Variants in CDK6 observed in about 807,000 individuals in gnomAD.
CDK6 encodes the protein cyclin-dependent kinase 6.
A neutral mutation model predicts 37.1 loss-of-function variants in CDK6; 6 were observed. The ratio of observed to expected loss-of-function variants is 0.16; its 90% CI spans 0.09 to 0.32. The LOEUF (loss-of-function observed/expected upper bound fraction) is 0.32. Ranked by LOEUF, CDK6 falls within the 10% of genes least tolerant of loss-of-function variation. The pLI, the probability that CDK6 is intolerant of heterozygous loss-of-function variation, is 1.00. For synonymous variants in CDK6, 160 were observed against 161.3 expected (o/e 0.99, Z 0.06); for missense variants, 224 against 418.9 (o/e 0.53, Z 4.06).
chr7:92,718,319 GT>G (rs1370833798), intron 4 of CDK6, among the ~76,000 whole-genome samples: 1 of 152,056 alleles, frequency 6.6e-6, no homozygotes, highest in Non-Finnish European at 1.5e-5. Context: ...GGGGCTTTGG[GT>G]TTTTTCCATT....
At chr7:92,797,157 T>C (rs1349355802) in intron 2 of CDK6, among the ~76,000 whole-genome samples, 3 of 152,134 alleles carry the variant, frequency 2.0e-5, no homozygotes, top group East Asian at 1.9e-4. Flanking sequence ...TGAGAGTTTG[T>C]GAATGAAACT....
Position 92,710,515 on chromosome 7 carries a change from T to C in CDK6, c.537+15111A>G, listed in dbSNP as rs544962272. Among the ~76,000 whole-genome samples, 21 of 152,322 alleles carry C rather than the reference T, an allele frequency of 1.4e-4. No homozygotes were observed. In the South Asian group the frequency reaches 2.7e-3, roughly 20 times the overall value. ...TCAAGCAACAGCACCAATTGCAGAA[T>C]TACCTATCTCCAGACTTCTTATATC... On this transcript the variant is annotated intron_variant, in intron 4 of 7. Coordinates refer to ENST00000424848, the MANE Select transcript of CDK6 (RefSeq NM_001145306.2).
At chr7:92,774,361 T>G (rs1179498013) in intron 3 of CDK6, among the ~76,000 whole-genome samples, 3 of 152,210 alleles carry the variant, frequency 2.0e-5, no homozygotes, top group Non-Finnish European at 4.4e-5. Context: ...AGAAGAAGAC[T>G]GAGCTATACT....
intron 5 of CDK6, among the ~76,000 whole-genome samples, chr7:92,633,764 A>G (rs1171318758): frequency 6.6e-6 from 1 of 152,146 alleles, no homozygotes; most frequent in Non-Finnish European, 1.5e-5. Context: ...TGGACAAAGA[A>G]TATGTGAATG....
In CDK6 at chr7:92,833,807, C is replaced by G; in HGVS notation, c.-367-117G>C. The G allele has an allele frequency of 2.5e-6, 1 of 405,064 alleles. No individual in the cohort carries two copies. The highest frequency in any genetic ancestry group is 4.3e-6 in the Non-Finnish European group (1 of 230,800). The allele number at this position is 405,064 out of a possible 1,614,324, so 25.1% of individuals were successfully genotyped here. On this transcript the variant is annotated intron_variant, in intron 1 of 7. Transcript: ENST00000424848. The surrounding 1 kb of genome is among the most constrained non-coding windows in gnomAD (Gnocchi z 6.1). ...TTACGAAGCCTCCATCGCTACCCTC[C>G]GCGCGCTCCTGCCCTCTCCCAAGCC... is the stretch of plus-strand genomic sequence containing the variant.
chr7:92,679,170 C>T (rs991735417), intron 4 of CDK6, among the ~76,000 whole-genome samples: 28 of 152,182 alleles, frequency 1.8e-4, no homozygotes, highest in African/African-American at 6.8e-4. Context: ...TGTTGGGACC[C>T]TGGCTGATAC....
At chr7:92,626,145 T>C (rs1795923335) in intron 5 of CDK6, among the ~76,000 whole-genome samples, 1 of 152,040 alleles carries the variant, frequency 6.6e-6, no homozygotes, top group African/African-American at 2.4e-5. Context: ...ATCTACTTAG[T>C]ACACACTAAT....
intron 4 of CDK6, among the ~76,000 whole-genome samples, chr7:92,686,287 C>T (rs182803757): frequency 2.0e-5 from 3 of 152,168 alleles, no homozygotes; most frequent in African/African-American, 4.8e-5. Context: ...ACCCTCCTCC[C>T]GCCCCTTCCC....
rs142730398 is a variant in CDK6 at position 92,610,437 on chromosome 7, G to GA, written c.*4702dup. ...AAAAATCCCCAGAAAGGCTACTTGA[G>GA]AAAAAAACGTGTAAAAATTGGACCC... is the stretch of plus-strand genomic sequence containing the variant. On this transcript the variant is annotated 3_prime_UTR_variant, in exon 8 of 8. Transcript: ENST00000424848. 1.3e-5 allele frequency: 3 copies of GA among 231,068 alleles called. No individual in the cohort carries two copies. The highest frequency in any genetic ancestry group is 4.4e-5 in the African/African-American group (2 of 45,226). 14.3% of individuals were successfully genotyped at this position (231,068 alleles called of 1,614,324 possible).
intron 5 of CDK6, among the ~76,000 whole-genome samples, chr7:92,625,381 G>A (rs1025216616): frequency 1.3e-5 from 2 of 151,956 alleles, no homozygotes; most frequent in Admixed American, 6.6e-5. Context: ...AAGTCTAACA[G>A]TCTTTCCTCT....
intron 4 of CDK6, among the ~76,000 whole-genome samples, chr7:92,698,814 C>G (rs1425113573): frequency 6.6e-6 from 1 of 152,164 alleles, no homozygotes; most frequent in South Asian, 2.1e-4. Context: ...ACCTGCATTC[C>G]TTTTAATTAG....
At chr7:92,802,172 C>T (rs1184898352) in intron 2 of CDK6, among the ~76,000 whole-genome samples, 1 of 151,932 alleles carries the variant, frequency 6.6e-6, no homozygotes, top group Non-Finnish European at 1.5e-5. Flanking sequence ...GATCATCCAC[C>T]CCTCCATCCA....
At chr7:92,809,833 C>T (rs1351839462) in intron 2 of CDK6, among the ~76,000 whole-genome samples, 1 of 152,146 alleles carries the variant, frequency 6.6e-6, no homozygotes, top group Non-Finnish European at 1.5e-5. Flanking sequence ...CAAGGTCATT[C>T]GATATCATTA....
intron 5 of CDK6, among the ~76,000 whole-genome samples, chr7:92,662,663 A>G (rs192160651): frequency 6.6e-6 from 1 of 152,272 alleles, no homozygotes; most frequent in East Asian, 1.9e-4. Context: ...CTGCTGAGTC[A>G]ATCAAGACCC....
chr7:92,816,644 T>G (rs1300621769), intron 2 of CDK6, among the ~76,000 whole-genome samples: 1 of 152,002 alleles, frequency 6.6e-6, no homozygotes, highest in African/African-American at 2.4e-5. Flanking sequence ...TATTTGAAGA[T>G]CCAAGCTTCT....
At chr7:92,790,530 T>G (rs10265772) in intron 2 of CDK6, among the ~76,000 whole-genome samples, 10,521 of 152,194 alleles carry the variant, frequency 0.069, 1,174 homozygotes, top group African/African-American at 0.24. Flanking sequence ...AGATGCTAGG[T>G]ATAGAAAAAT....
intron 3 of CDK6, among the ~76,000 whole-genome samples, chr7:92,746,762 A>AT (rs1418695071): frequency 5.9e-5 from 9 of 151,282 alleles, no homozygotes; most frequent in Non-Finnish European, 8.9e-5. Flanking sequence ...AAAACTTTTT[A>AT]TTTTTTTTGC....
chr7:92,716,872 C>G (rs1798240534), intron 4 of CDK6, among the ~76,000 whole-genome samples: 1 of 152,106 alleles, frequency 6.6e-6, no homozygotes, highest in Non-Finnish European at 1.5e-5. Flanking sequence ...GAGGCATATT[C>G]CCAAAAATGT....
chr7:92,649,690 G>T (rs980984296), intron 5 of CDK6, among the ~76,000 whole-genome samples: 2 of 152,212 alleles, frequency 1.3e-5, no homozygotes, highest in Admixed American at 6.5e-5. Flanking sequence ...TGAGGCACGG[G>T]TGGTTCTGTC....
Sources: gnomAD v4.1 joint callset for allele counts (sites outside exome capture counted in the v4.1 genomes callset) on GRCh38, gnomAD v4.1.1 for gene constraint, Gnocchi (gnomAD v3.1) non-coding constraint, MANE v1.5 for transcripts, NCBI Gene and HGNC (gene_info 2026-07-23, HGNC 2026-07-21) for gene names.